DLC1: variants seen among roughly 807,000 people sequenced by gnomAD.
DLC1 encodes the protein DLC1 Rho GTPase activating protein, also known as rho GTPase-activating protein 7.
A neutral mutation model predicts 140.3 loss-of-function variants in DLC1; 54 were observed. The observed-to-expected ratio is 0.38, with a 90% CI of 0.31 to 0.48. DLC1 has a LOEUF of 0.48. Among genes scored for constraint, DLC1 ranks in the 20% least tolerant of loss-of-function variants. The pLI is 0.96. For synonymous variants in DLC1, 986 were observed against 728.1 expected, an observed-to-expected ratio of 1.35 and a Z score of -5.70; for missense variants, 2,536 against 1,907.0, an observed-to-expected ratio of 1.33 and a Z score of -6.14.
intron 5 of DLC1, among the ~76,000 whole-genome samples, chr8:13,179,072 A>C (rs1825902258): frequency 6.6e-6 from 1 of 152,246 alleles, no homozygotes; most frequent in Non-Finnish European, 1.5e-5. Flanking sequence ...AGAGCAATGC[A>C]ATAGAATGCT....
intron 5 of DLC1, among the ~76,000 whole-genome samples, chr8:13,284,473 G>A (rs757704262): frequency 7.9e-5 from 12 of 152,240 alleles, no homozygotes; most frequent in East Asian, 3.9e-4. Flanking sequence ...GTTGCAGTGC[G>A]CTGAGATCGC....
At chr8:13,132,138 T>TG (rs1048912992) in intron 5 of DLC1, among the ~76,000 whole-genome samples, 1 of 150,012 alleles carries the variant, frequency 6.7e-6, no homozygotes, top group African/African-American at 2.5e-5. Flanking sequence ...GTCAAGGGGG[T>TG]GGGCATCCCC....
chr8:13,240,928 G>C (rs1475546439), intron 5 of DLC1, among the ~76,000 whole-genome samples: 1 of 152,096 alleles, frequency 6.6e-6, no homozygotes, highest in Non-Finnish European at 1.5e-5. Context: ...ACACTATTTG[G>C]CTCTCTGTTC....
intron 2 of DLC1, among the ~76,000 whole-genome samples, chr8:13,493,014 T>C (rs1395310387): frequency 2.0e-5 from 3 of 152,168 alleles, no homozygotes; most frequent in Non-Finnish European, 4.4e-5. Flanking sequence ...ACTAAGAATA[T>C]GTTGGATAAG....
chr8:13,333,784 T>A (rs1177377845), intron 4 of DLC1, among the ~76,000 whole-genome samples: 1 of 152,216 alleles, frequency 6.6e-6, no homozygotes, highest in African/African-American at 2.4e-5. Flanking sequence ...CATCACTTTG[T>A]TAGATATCTA....
At chr8:13,107,436 G>A (rs141628233) in intron 7 of DLC1, among the ~76,000 whole-genome samples, 3 of 152,084 alleles carry the variant, frequency 2.0e-5, no homozygotes, top group Non-Finnish European at 4.4e-5. Flanking sequence ...GAGGTAGGTG[G>A]GAAAGATTTT....
intron 5 of DLC1, among the ~76,000 whole-genome samples, chr8:13,298,858 T>TA (rs550743189): frequency 4.0e-5 from 6 of 151,322 alleles, no homozygotes; most frequent in Admixed American, 1.3e-4. Context: ...ACCCCCTGAA[T>TA]AAAAAAAAAG....
At chr8:13,143,813 TGAGAGAGAGAGAGAGAGAGA>T (rs35079610) in intron 5 of DLC1, among the ~76,000 whole-genome samples, 4 of 128,716 alleles carry the variant, frequency 3.1e-5, no homozygotes, top group Admixed American at 2.4e-4. Context: ...AATGAAAAGC[TGAGAGAGAGAGAGAGAGAGA>T]GAGAGAGAGA....
intron 3 of DLC1, among the ~76,000 whole-genome samples, chr8:13,398,334 A>T (rs112035137): frequency 0.034 from 5,220 of 152,168 alleles, 116 homozygotes; most frequent in South Asian, 0.077. Context: ...GCAGAGTCAA[A>T]CTAAGGAAGG....
intron 5 of DLC1, among the ~76,000 whole-genome samples, chr8:13,158,130 G>C (rs1022658358): frequency 6.6e-6 from 1 of 151,968 alleles, no homozygotes; most frequent in African/African-American, 2.4e-5. Context: ...ATTTTTATTG[G>C]TTCATCTGTG....
chr8:13,560,738 G>C (rs967977968), intron 1 of DLC1, among the ~76,000 whole-genome samples: 1 of 152,068 alleles, frequency 6.6e-6, no homozygotes, highest in Non-Finnish European at 1.5e-5. Flanking sequence ...ATTTGAATAG[G>C]TGTTAATCTA....
chr8:13,366,326 C>G (rs1278018375), intron 4 of DLC1, among the ~76,000 whole-genome samples: 1 of 151,802 alleles, frequency 6.6e-6, no homozygotes, highest in African/African-American at 2.4e-5. Context: ...CCACTACATG[C>G]CTGGCGCTGT....
chr8:13,589,765 G>T, intron 1 of DLC1, among the ~76,000 whole-genome samples: 1 of 150,054 alleles, frequency 6.7e-6, no homozygotes, highest in South Asian at 2.1e-4. Flanking sequence ...CAGAGATTGT[G>T]TAAATTTTTT....
At chr8:13,243,656 A>G (rs1829636597) in intron 5 of DLC1, among the ~76,000 whole-genome samples, 1 of 152,156 alleles carries the variant, frequency 6.6e-6, no homozygotes, top group Admixed American at 6.6e-5. Flanking sequence ...TCACTGTTGT[A>G]CTAAAAATTG....
intron 5 of DLC1, among the ~76,000 whole-genome samples, chr8:13,152,472 CTTAG>C (rs376707844): frequency 8.5e-5 from 13 of 152,260 alleles, no homozygotes; most frequent in African/African-American, 1.4e-4. Context: ...ATGAATTATT[CTTAG>C]TTAATGAAGC....
chr8:13,198,983 C>T (rs1049947526), intron 5 of DLC1, among the ~76,000 whole-genome samples: 3 of 152,006 alleles, frequency 2.0e-5, no homozygotes, highest in African/African-American at 4.8e-5. Context: ...TCCCAAGGTG[C>T]TGGGATTACA....
At chr8:13,308,996 C>T (rs1370274985) in intron 4 of DLC1, among the ~76,000 whole-genome samples, 1 of 152,072 alleles carries the variant, frequency 6.6e-6, no homozygotes, top group Non-Finnish European at 1.5e-5. Flanking sequence ...TGTTCATCAA[C>T]ATTTTTGGAA....
intron 4 of DLC1, among the ~76,000 whole-genome samples, chr8:13,360,680 C>G (rs929264920): frequency 6.6e-6 from 1 of 150,982 alleles, no homozygotes; most frequent in African/African-American, 2.4e-5. Flanking sequence ...ATTTTTTTTT[C>G]TTTTATAAAT....
chr8:13,172,461 T>C (rs189373725), intron 5 of DLC1, among the ~76,000 whole-genome samples: 1 of 152,370 alleles, frequency 6.6e-6, no homozygotes, highest in East Asian at 1.9e-4. Context: ...TTTCATTAAG[T>C]GTTATTAAAT....
Sources: gnomAD v4.1 joint callset for allele counts (sites outside exome capture counted in the v4.1 genomes callset) on GRCh38, gnomAD v4.1.1 for gene constraint, MANE v1.5 for transcripts, NCBI Gene and HGNC (gene_info 2026-07-23, HGNC 2026-07-21) for gene names.